Variants in GPAM observed in about 807,000 individuals in gnomAD.
GPAM encodes the protein glycerol-3-phosphate acyltransferase 1, mitochondrial.
Under a neutral mutation model 105.0 loss-of-function variants are expected in GPAM, and 56 were observed. The observed-to-expected ratio is 0.53, with a 90% CI of 0.43 to 0.67. GPAM has a LOEUF of 0.67. Among genes scored for constraint, GPAM ranks in the 30% least tolerant of loss-of-function variants. The pLI, the probability that GPAM is intolerant of heterozygous loss-of-function variation, is 0.00. For missense variants in GPAM, 855 were observed against 989.8 expected, an observed-to-expected ratio of 0.86 and a Z score of 1.83; for synonymous variants, 368 against 354.4, an observed-to-expected ratio of 1.04 and a Z score of -0.43.
chr10:112,223,385 C>T, the GPAM span, among the ~76,000 whole-genome samples: 8 of 152,200 alleles, frequency 5.3e-5, no homozygotes, highest in East Asian at 1.9e-4. Flanking sequence ...AAAATTCTAT[C>T]GATCTCCTAG....
In GPAM at chr10:112,151,858, G is replaced by T. The variant is rs41292608; in HGVS notation, c.*1692C>A. 2.8e-4 allele frequency: 271 copies of T among 984,764 alleles called. No homozygotes were observed. The highest frequency in any genetic ancestry group is 3.2e-4 in the Non-Finnish European group (268 of 829,354). 61.0% of individuals were successfully genotyped at this position (984,764 alleles called of 1,614,324 possible). A position where few individuals can be genotyped will look rare whatever the true frequency, so the allele number is the denominator to read the frequency against. ...TTCTTCTACCCTAGTCAGTAAAATG[G>T]AATGCTAAAACATGATATCTCATTC... On this transcript the variant is annotated 3_prime_UTR_variant, in exon 22 of 22. Transcript: ENST00000348367.
At chr10:112,201,030 TAG>T (rs1349548808) in intron 1 of GPAM, among the ~76,000 whole-genome samples, 2 of 152,206 alleles carry the variant, frequency 1.3e-5, no homozygotes, top group East Asian at 1.9e-4. Flanking sequence ...GGACATTTAT[TAG>T]AGTTTTGAGA....
At chr10:112,200,498 C>G (rs2900944) in intron 1 of GPAM, among the ~76,000 whole-genome samples, 2 of 151,886 alleles carry the variant, frequency 1.3e-5, no homozygotes, top group African/African-American at 4.8e-5. Context: ...CACTATGTTG[C>G]CCAGGCTGGT....
intron 1 of GPAM, among the ~76,000 whole-genome samples, chr10:112,192,606 C>T (rs1284905047): frequency 6.6e-6 from 1 of 152,152 alleles, no homozygotes; most frequent in Non-Finnish European, 1.5e-5. Context: ...GAGGGCAGAA[C>T]TTGGCAGAGA....
chr10:112,226,987 T>A, the GPAM span, among the ~76,000 whole-genome samples: 1 of 152,156 alleles, frequency 6.6e-6, no homozygotes, highest in Non-Finnish European at 1.5e-5. Flanking sequence ...ACCCCGGACA[T>A]GTTCCAAGAC....
chr10:112,212,315 T>G (rs1173199827), intron 1 of GPAM, among the ~76,000 whole-genome samples: 1 of 152,076 alleles, frequency 6.6e-6, no homozygotes, highest in African/African-American at 2.4e-5. Flanking sequence ...CAGGCTGGAG[T>G]GCAGTGGTGC....
At chr10:112,155,686 A>C (rs1047329141) in intron 20 of GPAM, 178 bp downstream of exon 20, 4 of 544,082 alleles carry the variant, frequency 7.4e-6, no homozygotes, top group Non-Finnish European at 1.3e-5. Context: ...AGCCAGATGT[A>C]AGAGTGTATA....
At chr10:112,201,964 C>A (rs548611025) in intron 1 of GPAM, among the ~76,000 whole-genome samples, 167 of 152,352 alleles carry the variant, frequency 1.1e-3, no homozygotes, top group African/African-American at 3.6e-3. Flanking sequence ...TTAACTTGCA[C>A]AACAGCCCTC....
rs1486738929 is a variant in GPAM at position 112,150,593 on chromosome 10, C to T, written c.*2957G>A. The T allele has an allele frequency of 1.0e-6, 1 of 957,488 alleles. No homozygotes were observed. The highest frequency in any genetic ancestry group is 1.2e-6 in the Non-Finnish European group (1 of 804,404). 59.3% of individuals were successfully genotyped at this position (957,488 alleles called of 1,614,324 possible). ...ACATAGTGTTTCCCAAAATGTTCTCCACAGGACATTAGTGAGAGGTTCATA... is the reference window on the plus strand; with the variant it reads ...ACATAGTGTTTCCCAAAATGTTCTCTACAGGACATTAGTGAGAGGTTCATA... On this transcript the variant is annotated 3_prime_UTR_variant, in exon 22 of 22. Coordinates refer to ENST00000348367, the MANE Select transcript of GPAM (RefSeq NM_001244949.2).
intron 6 of GPAM, among the ~76,000 whole-genome samples, chr10:112,174,559 G>A (rs1847370234): frequency 6.6e-6 from 1 of 152,204 alleles, no homozygotes; most frequent in South Asian, 2.1e-4. Context: ...AAATGTACTT[G>A]AAGGTTTTAA....
Position 112,178,071 on chromosome 10 carries a change from A to G in GPAM, c.226-14T>C. On this transcript the variant is annotated splice_polypyrimidine_tract_variant and intron_variant, in intron 4 of 21. Coordinates refer to ENST00000348367, the MANE Select transcript of GPAM (RefSeq NM_001244949.2). Reference sequence around the variant, plus strand: ...GAAAAATTTGTCCTATATAAAACAAAGTAAATGTAGACATAAATACACAAC... The same window carrying G: ...GAAAAATTTGTCCTATATAAAACAAGGTAAATGTAGACATAAATACACAAC... 7.1e-7 allele frequency: 1 copy of G among 1,400,596 alleles called. No individual in the cohort carries two copies. The highest frequency in any genetic ancestry group is 1.0e-6 in the Non-Finnish European group (1 of 985,806). The allele number at this position is 1,400,596 out of a possible 1,614,324, so 86.8% of individuals were successfully genotyped here.
chr10:112,203,115 GA>G (rs1564690529), intron 1 of GPAM, among the ~76,000 whole-genome samples: 1 of 152,178 alleles, frequency 6.6e-6, no homozygotes, highest in African/African-American at 2.4e-5. Flanking sequence ...AGGGGGAGCA[GA>G]GGGGAGGGAG....
At chr10:112,178,103 G>T in intron 4 of GPAM, 46 bp from the exon 5 acceptor site, 1 of 921,568 alleles carries the variant, frequency 1.1e-6, no homozygotes, top group Non-Finnish European at 1.8e-6. Context: ...CAACTAGATT[G>T]ACGGTGAAGA....
At chr10:112,220,853 TACAC>T in the GPAM span, among the ~76,000 whole-genome samples, 210 of 146,002 alleles carry the variant, frequency 1.4e-3, no homozygotes, top group Middle Eastern at 0.01. Context: ...AGATCTCAAA[TACAC>T]ACACACACAC....
chr10:112,188,324 T>C (rs536470142), upstream of GPAM, among the ~76,000 whole-genome samples: 9 of 152,320 alleles, frequency 5.9e-5, no homozygotes, highest in South Asian at 1.7e-3. Context: ...ACACACATTA[T>C]TGATATTAGG....
intron 1 of GPAM, among the ~76,000 whole-genome samples, chr10:112,191,976 T>A (rs1847664958): frequency 6.6e-6 from 1 of 152,086 alleles, no homozygotes; most frequent in African/African-American, 2.4e-5. Context: ...GTGGAGTATG[T>A]CATGAAAGGA....
intron 3 of GPAM, among the ~76,000 whole-genome samples, chr10:112,181,423 A>C (rs1185566782): frequency 6.6e-6 from 1 of 152,152 alleles, no homozygotes; most frequent in Non-Finnish European, 1.5e-5. Flanking sequence ...TTACCGACCC[A>C]AAACTACTAC....
chr10:112,197,285 A>G (rs1230628108), intron 1 of GPAM, among the ~76,000 whole-genome samples: 2 of 152,186 alleles, frequency 1.3e-5, no homozygotes, highest in African/African-American at 4.8e-5. Flanking sequence ...CCTTAGGTAA[A>G]CAGTCTGAAT....
At chr10:112,184,448 G>T (rs1317679815), upstream of GPAM, among the ~76,000 whole-genome samples, 1 of 152,146 alleles carries the variant, frequency 6.6e-6, no homozygotes, top group African/African-American at 2.4e-5. Flanking sequence ...ATTCCACATT[G>T]TATTCATAAG....
Sources: gnomAD v4.1 joint callset for allele counts (sites outside exome capture counted in the v4.1 genomes callset) on GRCh38, gnomAD v4.1.1 for gene constraint, MANE v1.5 for transcripts, NCBI Gene and HGNC (gene_info 2026-07-23, HGNC 2026-07-21) for gene names.